SEC31A: variants seen among roughly 807,000 people sequenced by gnomAD.
SEC31A encodes SEC31 homolog A, COPII component.
Under a neutral mutation model 151.0 loss-of-function variants are expected in SEC31A, and 70 were observed. That is an observed-to-expected ratio of 0.46 (90% CI 0.38 to 0.57). SEC31A has a LOEUF of 0.57. Ranked by LOEUF, SEC31A falls within the 20% of genes least tolerant of loss-of-function variation. SEC31A has a pLI of 0.00. For missense variants in SEC31A, 1,330 were observed against 1,471.2 expected (o/e 0.90, Z 1.57); for synonymous variants, 475 against 505.9 (o/e 0.94, Z 0.82).
intron 22 of SEC31A, among the ~76,000 whole-genome samples, chr4:82,829,585 T>C (rs1054879841): frequency 6.6e-5 from 10 of 152,172 alleles, no homozygotes; most frequent in African/African-American, 2.2e-4. Flanking sequence ...TCCAACTATG[T>C]AACACTAGTA....
chr4:82,845,159 GTGAGCAGAA>G, intron 20 of SEC31A: 1 of 1,272,028 alleles, frequency 7.9e-7, no homozygotes, highest in Non-Finnish European at 1.1e-6. Context: ...GTATATTTAG[GTGAGCAGAA>G]TTCTGCTCAA....
At chr4:82,856,177 G>A (rs953714206) in intron 16 of SEC31A, among the ~76,000 whole-genome samples, 7 of 151,970 alleles carry the variant, frequency 4.6e-5, no homozygotes, top group African/African-American at 1.7e-4. Context: ...TTGAGACAGA[G>A]TCTTGCACTG....
intron 22 of SEC31A, among the ~76,000 whole-genome samples, chr4:82,829,887 A>AT (rs1371756123): frequency 1.3e-5 from 2 of 152,248 alleles, no homozygotes; most frequent in African/African-American, 4.8e-5. Context: ...GGAAATAAGA[A>AT]TAATTTCTAA....
intron 5 of SEC31A, 51 bp downstream of exon 5, chr4:82,875,676 A>G (rs758962279): frequency 9.8e-7 from 1 of 1,015,566 alleles, no homozygotes; most frequent in South Asian, 1.4e-5. Flanking sequence ...GGTTTAGGAG[A>G]ACTACTTTTG....
At position 82,824,657 on chromosome 4, in the gene SEC31A, T is replaced by C. The variant is rs1380108842; in HGVS notation, c.3309A>G (p.Pro1103=). The change falls in exon 25 of 27, where the codon CCA becomes CCG. Residue 1103 remains proline, a synonymous_variant. Transcript: ENST00000395310. ...TAGGTTTCTTGGTAATTTTTTTTGT[T>C]GGCAAAGACTGCACATGCTGGAAGA... ...GNTFQHVQSL[P]TKKITKKPIP... is the part of the protein sequence containing the mutation. 5.0e-6 allele frequency: 8 copies of C among 1,613,978 alleles called. No homozygotes were observed. In the Middle Eastern group the frequency reaches 4.9e-4, roughly 99 times the overall value.
intron 6 of SEC31A, among the ~76,000 whole-genome samples, chr4:82,874,317 T>G (rs1482826792): frequency 6.6e-6 from 1 of 150,476 alleles, no homozygotes; most frequent in Non-Finnish European, 1.5e-5. Context: ...AAAAAAAAAG[T>G]TGCTGCAATG....
intron 8 of SEC31A, among the ~76,000 whole-genome samples, chr4:82,868,419 G>A (rs1419260001): frequency 3.3e-5 from 5 of 151,856 alleles, no homozygotes; most frequent in Admixed American, 6.6e-5. Context: ...GAGGACTGAT[G>A]GAGCCCAAGA....
At chr4:82,846,661 C>A (rs1414000412) in intron 20 of SEC31A, among the ~76,000 whole-genome samples, 1 of 151,920 alleles carries the variant, frequency 6.6e-6, no homozygotes, top group Non-Finnish European at 1.5e-5. Context: ...ATTTTCTCTT[C>A]CTTATGATTT....
chr4:82,820,357 G>A (rs1385342531), intron 26 of SEC31A, among the ~76,000 whole-genome samples: 2 of 152,104 alleles, frequency 1.3e-5, no homozygotes, highest in Admixed American at 6.6e-5. Context: ...GAGAGAAATG[G>A]TTATTTTCAT....
intron 25 of SEC31A, among the ~76,000 whole-genome samples, chr4:82,822,116 T>C (rs1723495252): frequency 6.6e-6 from 1 of 152,244 alleles, no homozygotes; most frequent in Non-Finnish European, 1.5e-5. Flanking sequence ...ATTAACTTAA[T>C]GTTCTACATT....
chr4:82,896,143 A>T (rs1360589162), upstream of SEC31A, among the ~76,000 whole-genome samples: 1 of 152,262 alleles, frequency 6.6e-6, no homozygotes, highest in Non-Finnish European at 1.5e-5. Context: ...AACAAGTGAA[A>T]TACCAATCCT....
chr4:82,838,556 C>T (rs1042167739), intron 22 of SEC31A, among the ~76,000 whole-genome samples: 6 of 152,192 alleles, frequency 3.9e-5, no homozygotes, highest in Admixed American at 2.6e-4. Context: ...CCCTCGCGTA[C>T]CACTTTGACT....
intron 7 of SEC31A, among the ~76,000 whole-genome samples, chr4:82,870,633 G>A (rs550180401): frequency 6.6e-6 from 1 of 152,272 alleles, no homozygotes; most frequent in South Asian, 2.1e-4. Flanking sequence ...GGGAGGTGGA[G>A]GCTGCAGTGA....
chr4:82,858,980 C>T (rs984497015), intron 14 of SEC31A, among the ~76,000 whole-genome samples: 6 of 152,042 alleles, frequency 3.9e-5, no homozygotes, highest in Non-Finnish European at 8.8e-5. Context: ...GGATTACAGG[C>T]GTGAGCCACC....
chr4:82,894,259 C>T (rs1719964573), upstream of SEC31A: 1 of 139,366 alleles, frequency 7.2e-6, no homozygotes, highest in African/African-American at 2.4e-5. Flanking sequence ...AACTACTTAT[C>T]TTGGTAACCA....
chr4:82,871,339 A>G, intron 7 of SEC31A: 1 of 1,502,866 alleles, frequency 6.7e-7, no homozygotes, highest in South Asian at 1.2e-5. Flanking sequence ...CACACACACA[A>G]GTAACGTAGG....
intron 22 of SEC31A, among the ~76,000 whole-genome samples, chr4:82,837,668 A>G (rs1727737697): frequency 6.6e-6 from 1 of 152,216 alleles, no homozygotes; most frequent in Non-Finnish European, 1.5e-5. Flanking sequence ...AAAAATAAAT[A>G]TAGCATGTCA....
chr4:82,857,112 G>A lies in SEC31A; in HGVS notation c.1721C>T (p.Thr574Ile), dbSNP rs1732845606. 1 of 1,611,312 alleles carries A rather than the reference G, an allele frequency of 6.2e-7. No individual in the cohort carries two copies. Among genetic ancestry groups the A allele is most frequent in the African/African-American group, 1.3e-5 (1 of 74,804 alleles). The change falls in exon 16 of 27, where the codon ACT becomes ATT. Residue 574 changes from threonine (T) to isoleucine (I), a missense_variant. Coordinates refer to ENST00000395310, the MANE Select transcript of SEC31A (RefSeq NM_001077207.4). Reference protein sequence around the residue: ...SVSGDIDGLITQALLTGNFES... With the variant: ...SVSGDIDGLIIQALLTGNFES... Reference sequence around the variant, plus strand: ...AAAATTGCCCGTCAGCAAAGCCTGAGTAATTAAACCATCAATGTCTGCAAC... The same window carrying A: ...AAAATTGCCCGTCAGCAAAGCCTGAATAATTAAACCATCAATGTCTGCAAC...
At chr4:82,825,850 G>A (rs995684289) in intron 24 of SEC31A, among the ~76,000 whole-genome samples, 2 of 152,198 alleles carry the variant, frequency 1.3e-5, no homozygotes, top group Admixed American at 6.5e-5. Context: ...ATATTTTGGA[G>A]TAATATCGAC....
Sources: allele counts gnomAD v4.1 joint callset (sites outside exome capture counted in the v4.1 genomes callset), GRCh38; gene constraint gnomAD v4.1.1; transcripts MANE v1.5; gene names NCBI Gene and HGNC (gene_info 2026-07-23, HGNC 2026-07-21).